PRDM5: variants seen among roughly 807,000 people sequenced by gnomAD.
PRDM5 encodes the protein PR domain zinc finger protein 5.
PRDM5 carries 56 observed loss-of-function variants against 81.2 expected under a neutral mutation model. The observed-to-expected ratio is 0.69, with a 90% CI of 0.56 to 0.86. PRDM5 has a LOEUF of 0.86. Ranked by LOEUF, PRDM5 falls within the 40% of genes least tolerant of loss-of-function variation. PRDM5 has a pLI of 0.00. For missense variants in PRDM5, 697 were observed against 770.1 expected (o/e 0.91, Z 1.12); for synonymous variants, 267 against 256.4 (o/e 1.04, Z -0.39).
At chr4:120,741,538 G>A (rs1199515667) in intron 14 of PRDM5, among the ~76,000 whole-genome samples, 4 of 151,796 alleles carry the variant, frequency 2.6e-5, no homozygotes, top group Admixed American at 2.6e-4. Flanking sequence ...ACTAGGGAGT[G>A]CCAGACAGTG....
intron 3 of PRDM5, among the ~76,000 whole-genome samples, chr4:120,843,821 C>A (rs547121013): frequency 2.0e-5 from 3 of 152,238 alleles, no homozygotes; most frequent in African/African-American, 7.2e-5. Flanking sequence ...TCCCTAGGGT[C>A]ACCAAGCCAC....
At chr4:120,748,986 C>T (rs1027268554) in intron 14 of PRDM5, among the ~76,000 whole-genome samples, 2 of 152,010 alleles carry the variant, frequency 1.3e-5, no homozygotes, top group African/African-American at 2.4e-5. Flanking sequence ...AGCTCCTGGG[C>T]AGGAAATTAA....
intron 15 of PRDM5, among the ~76,000 whole-genome samples, chr4:120,702,901 A>T (rs1390654950): frequency 6.6e-6 from 1 of 152,184 alleles, no homozygotes; most frequent in Non-Finnish European, 1.5e-5. Flanking sequence ...GATTCACAAT[A>T]CATTTCCTAA....
intron 15 of PRDM5, among the ~76,000 whole-genome samples, chr4:120,709,487 T>A (rs538134340): frequency 8.5e-5 from 13 of 152,192 alleles, no homozygotes; most frequent in Non-Finnish European, 1.0e-4. Context: ...GGAAAACATC[T>A]TGTGTTTGTG....
intron 3 of PRDM5, among the ~76,000 whole-genome samples, chr4:120,827,935 C>G (rs931610625): frequency 3.3e-5 from 5 of 152,100 alleles, no homozygotes; most frequent in African/African-American, 4.8e-5. Flanking sequence ...GGACTGGACT[C>G]TACTGCTAAT....
chr4:120,728,784 C>T (rs982977903), intron 14 of PRDM5, among the ~76,000 whole-genome samples: 7 of 152,118 alleles, frequency 4.6e-5, no homozygotes, highest in Non-Finnish European at 1.0e-4. Flanking sequence ...GAAAGGGTAA[C>T]ATCCACACTA....
At position 120,858,496 on chromosome 4, in the gene PRDM5, G is replaced by A. The variant is rs1760144883; in HGVS notation, c.178-4956C>T. On this transcript the variant is annotated intron_variant, in intron 2 of 15. Coordinates refer to ENST00000264808, the MANE Select transcript of PRDM5 (RefSeq NM_018699.4). ...TTTATAGTTTCCAAGAAAAGGGCAT[G>A]GGTTTTATTCCCCCACTGATTGTTC... 2.0e-5 allele frequency among the ~76,000 whole-genome samples: 3 copies of A among 152,146 alleles called. No individual in the cohort carries two copies. In the South Asian group the frequency reaches 6.2e-4, roughly 32 times the overall value.
At chr4:120,684,837 AAAG>A, downstream of PRDM5, 1 of 152,106 alleles carries the variant, frequency 6.6e-6, no homozygotes, top group South Asian at 2.1e-4. Flanking sequence ...TAATATTCTC[AAAG>A]AATATTACAT....
chr4:120,759,762 A>G (rs890837271), intron 13 of PRDM5, among the ~76,000 whole-genome samples: 2 of 152,246 alleles, frequency 1.3e-5, no homozygotes, highest in Non-Finnish European at 2.9e-5. Context: ...TTAATAGCTC[A>G]GGTATATTTA....
intron 10 of PRDM5, among the ~76,000 whole-genome samples, chr4:120,787,458 C>G (rs906520687): frequency 5.9e-5 from 9 of 152,174 alleles, no homozygotes; most frequent in Admixed American, 2.6e-4. Context: ...TGACATTTAA[C>G]AGGATGCCTT....
chr4:120,691,510 T>C (rs889439217), downstream of PRDM5, among the ~76,000 whole-genome samples: 1 of 152,152 alleles, frequency 6.6e-6, no homozygotes, highest in Non-Finnish European at 1.5e-5. Flanking sequence ...ATAAAAGGAA[T>C]ACCTGAAACA....
rs556789462 is a variant in PRDM5, at chr4:120,812,329, A to G, written c.866-880T>C. Among the ~76,000 whole-genome samples, 13 of 152,246 alleles carry G rather than the reference A, an allele frequency of 8.5e-5. 1 individual carries two copies. The highest frequency in any genetic ancestry group is 7.2e-4 in the Admixed American group (11 of 15,284). ...CAGTGGAATTGCTAGCTCTATCTTC[A>G]GTCTTTTGAGTAACCACCATACCAT... On this transcript the variant is annotated intron_variant, in intron 7 of 15. Coordinates refer to ENST00000264808, the MANE Select transcript of PRDM5 (RefSeq NM_018699.4).
intron 14 of PRDM5, among the ~76,000 whole-genome samples, chr4:120,739,596 C>CA (rs142332174): frequency 0.013 from 2,011 of 152,240 alleles, 42 homozygotes; most frequent in African/African-American, 0.045. Context: ...TTTTGTTCCA[C>CA]AAAGACTTTT....
intron 3 of PRDM5, among the ~76,000 whole-genome samples, chr4:120,842,528 A>G (rs1392885702): frequency 2.6e-5 from 4 of 152,196 alleles, no homozygotes; most frequent in Non-Finnish European, 5.9e-5. Context: ...AACTGACACA[A>G]ATGCCACTCT....
chr4:120,756,493 T>C (rs916881974), intron 13 of PRDM5, among the ~76,000 whole-genome samples: 1 of 152,218 alleles, frequency 6.6e-6, no homozygotes, highest in African/African-American at 2.4e-5. Context: ...TCTAGAATTT[T>C]TCTATTTCAG....
At chr4:120,685,889 T>A (rs1733815579) in intron 1 of PRDM5, among the ~76,000 whole-genome samples, 1 of 152,116 alleles carries the variant, frequency 6.6e-6, no homozygotes, top group Non-Finnish European at 1.5e-5. Context: ...CATGTTGAAT[T>A]GTAATCCCCT....
chr4:120,868,174 G>T (rs904375544), intron 2 of PRDM5, among the ~76,000 whole-genome samples: 1 of 152,088 alleles, frequency 6.6e-6, no homozygotes. Context: ...ACCTAAACAA[G>T]AAGTGGAAAT....
At chr4:120,919,901 TCTAA>T (rs756800481) in intron 1 of PRDM5, among the ~76,000 whole-genome samples, 22 of 152,162 alleles carry the variant, frequency 1.4e-4, no homozygotes, top group Non-Finnish European at 2.6e-4. Flanking sequence ...TCAAAAGCTT[TCTAA>T]CTGACTCTTT....
chr4:120,729,883 C>T (rs570380491), intron 14 of PRDM5, among the ~76,000 whole-genome samples: 1 of 152,288 alleles, frequency 6.6e-6, no homozygotes, highest in Admixed American at 6.5e-5. Context: ...GGTGTGGTCC[C>T]AGCAAGAAAC....
Sources: allele counts gnomAD v4.1 joint callset (sites outside exome capture counted in the v4.1 genomes callset), GRCh38; gene constraint gnomAD v4.1.1; transcripts MANE v1.5; gene names NCBI Gene and HGNC (gene_info 2026-07-23, HGNC 2026-07-21).